The following MYO10 variants were observed in gnomAD, a reference collection of about 807,000 sequenced individuals.
MYO10 encodes myosin X.
MYO10 carries 133 observed loss-of-function variants against 257.3 expected under a neutral mutation model. The observed-to-expected ratio is 0.52, with a 90% CI of 0.45 to 0.60. The LOEUF (loss-of-function observed/expected upper bound fraction) is 0.60. MYO10 is among the 20% of genes least tolerant of loss of function. The probability of loss-of-function intolerance (pLI) is 0.00; values close to 1 mark genes in which losing one functional copy is unlikely to be tolerated. For synonymous variants in MYO10, 1,104 were observed against 1,028.6 expected, an observed-to-expected ratio of 1.07 and a Z score of -1.40; for missense variants, 2,399 against 2,635.7, an observed-to-expected ratio of 0.91 and a Z score of 1.97.
intron 1 of MYO10, among the ~76,000 whole-genome samples, chr5:16,889,267 A>T (rs1000426371): frequency 1.3e-5 from 2 of 151,192 alleles, no homozygotes; most frequent in Admixed American, 1.3e-4. Context: ...TTAGCTAAGC[A>T]TGGTGGTGGG....
chr5:16,703,002 C>G lies in MYO10; in HGVS notation c.2433G>C (p.Leu811Phe). Residue 811 changes from leucine (L) to phenylalanine (F), a missense_variant, in exon 23 of 41, where the codon TTG becomes TTC. Around this residue, in one of 3 missense-constraint regions of MYO10, gnomAD observed 1,820 missense variants for 1,939.4 expected, o/e 0.94. Coordinates refer to ENST00000513610, the MANE Select transcript of MYO10 (RefSeq NM_012334.3). ...CTTCTTGCTCCCTTTTCTCTGCCAG[C>G]AATTGTCTGTAAACTCTCCGAGCAA... is the stretch of plus-strand genomic sequence containing the variant. ...GQIARRVYRQ[L>F]LAEKREQEEK... 6.4e-7 allele frequency: 1 copy of G among 1,552,326 alleles called. No homozygotes were observed. Among genetic ancestry groups the G allele is most frequent in the Non-Finnish European group, 8.7e-7 (1 of 1,147,156 alleles).
chr5:16,923,318 C>T (rs1021333417), intron 1 of MYO10, among the ~76,000 whole-genome samples: 6 of 148,720 alleles, frequency 4.0e-5, no homozygotes, highest in East Asian at 2.0e-4. Flanking sequence ...GGCGGAATCT[C>T]GCTCCGTCGC....
chr5:16,788,058 T>A (rs776987988), intron 4 of MYO10, among the ~76,000 whole-genome samples: 4 of 152,152 alleles, frequency 2.6e-5, no homozygotes, highest in Non-Finnish European at 4.4e-5. Context: ...CCTCCCAAAG[T>A]GCTGGCATTA....
intron 19 of MYO10, among the ~76,000 whole-genome samples, chr5:16,722,470 T>A (rs1023818872): frequency 2.0e-5 from 3 of 147,802 alleles, no homozygotes; most frequent in African/African-American, 7.9e-5. Context: ...ATTAAATAGG[T>A]TTTGCCTCTC....
At chr5:16,723,325 T>G (rs1739228517) in intron 19 of MYO10, among the ~76,000 whole-genome samples, 1 of 152,032 alleles carries the variant, frequency 6.6e-6, no homozygotes, top group Non-Finnish European at 1.5e-5. Flanking sequence ...GAGGCGGAGC[T>G]TGCAGTGAGC....
Position 16,672,840 on chromosome 5 carries a change from AG to A in MYO10, c.5173-16del, listed in dbSNP as rs780263399. The A allele has an allele frequency of 1.3e-5, 21 of 1,610,832 alleles. No individual in the cohort carries two copies. Among genetic ancestry groups the A allele is most frequent in the Non-Finnish European group, 1.8e-5 (21 of 1,178,534 alleles). On this transcript the variant is annotated splice_polypyrimidine_tract_variant and intron_variant, in intron 36 of 40. Coordinates refer to ENST00000513610, the MANE Select transcript of MYO10 (RefSeq NM_012334.3). ...TTCTCCACCACCTGGAAGACACACC[AG>A]GGGGACTTCAGTTCCACAGGCTGCG...
intron 19 of MYO10, among the ~76,000 whole-genome samples, chr5:16,729,633 A>T (rs1379620487): frequency 6.6e-6 from 1 of 152,040 alleles, no homozygotes; most frequent in Non-Finnish European, 1.5e-5. Flanking sequence ...TTTAGTAGAG[A>T]TGGGGTTTCA....
At position 16,742,327 on chromosome 5, in the gene MYO10, GA is replaced by G. The variant is rs1169716271; in HGVS notation, c.1929+12500del. 3.7e-6 allele frequency: 3 copies of G among 811,754 alleles called. No homozygotes were observed. In the African/African-American group the frequency reaches 5.6e-5, roughly 15 times the overall value. The allele number at this position is 811,754 out of a possible 1,614,324, so 50.3% of individuals were successfully genotyped here. ...GGTAAACAGGATGGAAGTGACCACT[GA>G]GGGCTTTACTGGGATTGTTTTGTTT... On this transcript the variant is annotated intron_variant, in intron 19 of 40. Coordinates refer to ENST00000513610, the MANE Select transcript of MYO10 (RefSeq NM_012334.3).
At chr5:16,781,641 TAGTG>T (rs1741428036) in intron 6 of MYO10, 60 bp downstream of exon 6, 1 of 1,462,836 alleles carries the variant, frequency 6.8e-7, no homozygotes, top group Non-Finnish European at 9.3e-7. Context: ...TCCTTATAAT[TAGTG>T]AGAACAGTTT....
chr5:16,837,458 C>T (rs1429118518), intron 2 of MYO10, among the ~76,000 whole-genome samples: 1 of 151,978 alleles, frequency 6.6e-6, no homozygotes, highest in East Asian at 1.9e-4. Context: ...TTAGTGGTTG[C>T]CAGGGGTTAG....
intron 1 of MYO10, among the ~76,000 whole-genome samples, chr5:16,923,354 T>G (rs1746041414): frequency 6.6e-6 from 1 of 151,150 alleles, no homozygotes. Flanking sequence ...TGGCACGATC[T>G]CAGCTCACTG....
chr5:16,669,925 T>C (rs1487834521), intron 39 of MYO10, among the ~76,000 whole-genome samples: 1 of 152,056 alleles, frequency 6.6e-6, no homozygotes, highest in Non-Finnish European at 1.5e-5. Flanking sequence ...GGAATATATC[T>C]AAAGGAATGA....
chr5:16,711,389 T>A, intron 19 of MYO10, 144 bp from the exon 20 acceptor site: 1 of 867,570 alleles, frequency 1.2e-6, no homozygotes, highest in Non-Finnish European at 1.7e-6. Flanking sequence ...AAATAGAGAC[T>A]AGCACAGGAA....
At chr5:16,878,129 G>T (rs1430002300) in intron 1 of MYO10, among the ~76,000 whole-genome samples, 2 of 152,146 alleles carry the variant, frequency 1.3e-5, no homozygotes, top group Non-Finnish European at 1.5e-5. Flanking sequence ...CCAGAAACCA[G>T]AAGTTTAACT....
At chr5:16,722,212 C>T (rs78233736) in intron 19 of MYO10, among the ~76,000 whole-genome samples, 101 of 152,294 alleles carry the variant, frequency 6.6e-4, no homozygotes, top group African/African-American at 2.3e-3. Context: ...TCCCAGCACA[C>T]GCTGTACTTG....
In MYO10 at chr5:16,877,511, C is replaced by T. The variant is rs530105050; in HGVS notation, c.120+98G>A. The T allele has an allele frequency of 9.1e-5, 75 of 828,594 alleles. No individual in the cohort carries two copies. In the East Asian group the frequency reaches 9.7e-4, roughly 11 times the overall value. The allele number at this position is 828,594 out of a possible 1,614,324, so 51.3% of individuals were successfully genotyped here. A position where few individuals can be genotyped will look rare whatever the true frequency, so the allele number is the denominator to read the frequency against. Reference sequence around the variant, plus strand: ...TATCACTTAGGAAAAAAATGTAAAGCGTGTGTATGTGTAGGGGGGCCAAGC... The same window carrying T: ...TATCACTTAGGAAAAAAATGTAAAGTGTGTGTATGTGTAGGGGGGCCAAGC... On this transcript the variant is annotated intron_variant, in intron 2 of 40. Transcript: ENST00000513610.
At chr5:16,874,357 G>T (rs1395228789) in intron 2 of MYO10, among the ~76,000 whole-genome samples, 4 of 75,794 alleles carry the variant, frequency 5.3e-5, no homozygotes, top group Non-Finnish European at 1.1e-4. Flanking sequence ...GGGGGGGGGG[G>T]GGTTTCTTTT....
chr5:16,801,940 T>C (rs1022948636), intron 3 of MYO10, among the ~76,000 whole-genome samples: 3 of 152,226 alleles, frequency 2.0e-5, no homozygotes, highest in African/African-American at 7.2e-5. Context: ...ACGGAATTAT[T>C]CAGCCCTGAA....
In MYO10 at chr5:16,662,775, G is replaced by A. The variant is rs546423463; in HGVS notation, c.*3917C>T. On this transcript the variant is annotated 3_prime_UTR_variant, in exon 41 of 41. Transcript: ENST00000513610. ...TCATGGGGGTGGGTTTTCCCATGCT[G>A]TTCTTGTCCATAGTGAGTATGTCTC... The A allele has an allele frequency of 2.8e-4, 43 of 152,226 alleles. No homozygotes were observed. Among genetic ancestry groups the A allele is most frequent in the African/African-American group, 1.0e-3 (43 of 41,538 alleles). 9.4% of individuals were successfully genotyped at this position (152,226 alleles called of 1,614,324 possible).
Sources: gnomAD v4.1 joint callset for allele counts (sites outside exome capture counted in the v4.1 genomes callset) on GRCh38, gnomAD v4.1.1 for gene constraint, gnomAD v4.1.1 regional missense constraint, MANE v1.5 for transcripts, NCBI Gene and HGNC (gene_info 2026-07-23, HGNC 2026-07-21) for gene names.